LINGO2: variants seen among roughly 807,000 people sequenced by gnomAD.
LINGO2 encodes the protein leucine rich repeat and Ig domain containing 2, also known as leucine-rich repeat and immunoglobulin-like domain-containing nogo receptor-interacting protein 2.
A neutral mutation model predicts 30.6 loss-of-function variants in LINGO2; 14 were observed. That is an observed-to-expected ratio of 0.46 (90% CI 0.30 to 0.72). The LOEUF is 0.72. Among genes scored for constraint, LINGO2 ranks in the 30% least tolerant of loss-of-function variants. The pLI is 0.07. For missense variants in LINGO2, 729 were observed against 751.7 expected (o/e 0.97, Z 0.35); for synonymous variants, 317 against 288.5 (o/e 1.10, Z -1.00).
intron 4 of LINGO2, among the ~76,000 whole-genome samples, chr9:28,131,673 G>A (rs953573429): frequency 6.6e-6 from 1 of 152,018 alleles, no homozygotes; most frequent in Non-Finnish European, 1.5e-5. Context: ...ATAATAATCA[G>A]ATGCTTCCAG....
At chr9:28,841,479 A>G in the LINGO2 span, among the ~76,000 whole-genome samples, 1 of 151,840 alleles carries the variant, frequency 6.6e-6, no homozygotes, top group South Asian at 2.1e-4. Flanking sequence ...TTAAGGCATT[A>G]TCCTAGGCAC....
chr9:28,811,049 A>C, the LINGO2 span, among the ~76,000 whole-genome samples: 1 of 152,174 alleles, frequency 6.6e-6, no homozygotes, highest in Non-Finnish European at 1.5e-5. Context: ...TAAGTATTTC[A>C]AACTTAATTT....
At chr9:28,176,463 A>G (rs1198756918) in intron 4 of LINGO2, among the ~76,000 whole-genome samples, 2 of 152,172 alleles carry the variant, frequency 1.3e-5, no homozygotes, top group Admixed American at 6.5e-5. Flanking sequence ...TCTCCATTAG[A>G]TGGTTATATC....
intron 4 of LINGO2, among the ~76,000 whole-genome samples, chr9:28,142,905 G>A (rs999341372): frequency 1.3e-5 from 2 of 152,148 alleles, no homozygotes; most frequent in African/African-American, 4.8e-5. Flanking sequence ...TTAACAGTTG[G>A]TTTAGTTGGC....
At chr9:28,163,544 T>A (rs752583282) in intron 4 of LINGO2, among the ~76,000 whole-genome samples, 1 of 152,138 alleles carries the variant, frequency 6.6e-6, no homozygotes, top group African/African-American at 2.4e-5. Context: ...ATAGGAAGAA[T>A]TGAGTCACAT....
chr9:28,742,092 T>C, the LINGO2 span, among the ~76,000 whole-genome samples: 2 of 151,994 alleles, frequency 1.3e-5, no homozygotes, highest in South Asian at 2.1e-4. Context: ...TAAAGCCACA[T>C]TGGCCTTCCT....
the LINGO2 span, chr9:27,942,668 C>G: frequency 1.1e-4 from 17 of 152,128 alleles, no homozygotes; most frequent in African/African-American, 3.4e-4. Flanking sequence ...GGGATATTCT[C>G]AAAATAGGAT....
intron 2 of LINGO2, among the ~76,000 whole-genome samples, chr9:28,421,298 GA>G (rs1175777550): frequency 6.6e-6 from 1 of 151,124 alleles, no homozygotes. Context: ...ATCAATAAAT[GA>G]AAAAACATTC....
intron 5 of LINGO2, among the ~76,000 whole-genome samples, chr9:27,989,470 T>C (rs1323585656): frequency 6.6e-6 from 1 of 151,606 alleles, no homozygotes; most frequent in African/African-American, 2.4e-5. Flanking sequence ...TGTGTGTGTG[T>C]GTGTGTGTAT....
chr9:28,604,649 T>C (rs1825627139), intron 1 of LINGO2, among the ~76,000 whole-genome samples: 1 of 152,106 alleles, frequency 6.6e-6, no homozygotes, highest in Non-Finnish European at 1.5e-5. Context: ...TTAACTGTTG[T>C]ACTGTTTGCT....
At chr9:28,350,421 A>G (rs1030680095) in intron 3 of LINGO2, among the ~76,000 whole-genome samples, 3 of 149,570 alleles carry the variant, frequency 2.0e-5, no homozygotes, top group Non-Finnish European at 3.0e-5. Context: ...ACATAATGGT[A>G]AAGGGATCAA....
At chr9:28,599,462 C>T (rs1014150258) in intron 1 of LINGO2, among the ~76,000 whole-genome samples, 3 of 151,980 alleles carry the variant, frequency 2.0e-5, no homozygotes, top group East Asian at 3.9e-4. Context: ...TTGTTGGTGG[C>T]TTGTTAAATA....
intron 4 of LINGO2, among the ~76,000 whole-genome samples, chr9:28,242,579 A>G (rs759493999): frequency 1.3e-5 from 2 of 152,186 alleles, no homozygotes; most frequent in Non-Finnish European, 2.9e-5. Context: ...AACTTCCCCA[A>G]CCTAGCAAGA....
chr9:28,655,760 C>A (rs1382515130), intron 1 of LINGO2, among the ~76,000 whole-genome samples: 1 of 152,056 alleles, frequency 6.6e-6, no homozygotes, highest in Non-Finnish European at 1.5e-5. Context: ...CTTCTCCCTG[C>A]TGCCATGTGA....
intron 1 of LINGO2, among the ~76,000 whole-genome samples, chr9:28,493,318 AAAG>A (rs2135276247): frequency 6.6e-6 from 1 of 152,286 alleles, no homozygotes; most frequent in East Asian, 1.9e-4. Context: ...GGTAACCAAG[AAAG>A]AAAGTATTTA....
At chr9:29,141,115 G>A in the LINGO2 span, among the ~76,000 whole-genome samples, 79 of 151,970 alleles carry the variant, frequency 5.2e-4, no homozygotes, top group African/African-American at 1.8e-3. Context: ...TGCTAGCAAA[G>A]GTAAATATTT....
intron 1 of LINGO2, among the ~76,000 whole-genome samples, chr9:28,576,822 C>G (rs1472411748): frequency 6.6e-6 from 1 of 152,094 alleles, no homozygotes; most frequent in Non-Finnish European, 1.5e-5. Context: ...GAAAAATAAG[C>G]ATAAATTCTT....
the LINGO2 span, among the ~76,000 whole-genome samples, chr9:28,835,220 G>GAT: frequency 6.6e-6 from 1 of 152,188 alleles, no homozygotes; most frequent in South Asian, 2.1e-4. Context: ...AAAGATTCTT[G>GAT]ATATATATAA....
At position 28,255,382 on chromosome 9, in the gene LINGO2, C is replaced by T. The variant is rs149970195; in HGVS notation, c.-87+39826G>A. Reference sequence around the variant, plus strand: ...ATCCTCCTGTAGAGAAATGCTGTATCAGCATGGAAAGACAGAGTCAGACTT... The same window carrying T: ...ATCCTCCTGTAGAGAAATGCTGTATTAGCATGGAAAGACAGAGTCAGACTT... On this transcript the variant is annotated intron_variant, in intron 4 of 5. Coordinates refer to ENST00000379992, the Ensembl canonical transcript of LINGO2. Among the ~76,000 whole-genome samples, 13 of 152,192 alleles carry T rather than the reference C, an allele frequency of 8.5e-5. No individual in the cohort carries two copies. In the East Asian group the frequency reaches 2.1e-3, roughly 25 times the overall value.
Sources: allele counts gnomAD v4.1 joint callset (sites outside exome capture counted in the v4.1 genomes callset), GRCh38; gene constraint gnomAD v4.1.1; transcripts MANE v1.5; gene names NCBI Gene and HGNC (gene_info 2026-07-23, HGNC 2026-07-21).